Variants in TSPEAR observed in about 807,000 individuals in gnomAD.
The protein encoded by TSPEAR is thrombospondin-type laminin G domain and EAR repeat-containing protein.
TSPEAR carries 69 observed loss-of-function variants against 71.6 expected under a neutral mutation model. The ratio of observed to expected loss-of-function variants is 0.96; its 90% CI spans 0.79 to 1.18. The LOEUF is 1.18. Among genes scored for constraint, TSPEAR ranks in the 50% most tolerant of loss-of-function variants. The pLI is 0.00. For synonymous variants in TSPEAR, 402 were observed against 387.2 expected, an observed-to-expected ratio of 1.04 and a Z score of -0.45; for missense variants, 971 against 894.9, an observed-to-expected ratio of 1.09 and a Z score of -1.09.
chr21:44,684,918 T>C (rs1175519529), intron 1 of TSPEAR, among the ~76,000 whole-genome samples: 9 of 152,228 alleles, frequency 5.9e-5, no homozygotes, highest in Non-Finnish European at 1.0e-4. Flanking sequence ...CCAATTCTCT[T>C]GGTTTTTAAG....
chr21:44,675,516 GAC>G (rs1986265858), intron 1 of TSPEAR, among the ~76,000 whole-genome samples: 1 of 115,352 alleles, frequency 8.7e-6, no homozygotes, highest in Non-Finnish European at 1.8e-5. Context: ...AACTGAATGA[GAC>G]AAGGATGCAT....
At chr21:44,528,625 G>GC in intron 5 of TSPEAR, 42 bp from the exon 6 acceptor site, 1 of 1,607,698 alleles carries the variant, frequency 6.2e-7, no homozygotes, top group Non-Finnish European at 8.5e-7. Context: ...GCAAGCCAGT[G>GC]CCCCCAAAGG....
chr21:44,600,883 T>G (rs782083629), intron 1 of TSPEAR: 20 of 1,611,360 alleles, frequency 1.2e-5, no homozygotes, highest in Admixed American at 6.7e-5. Flanking sequence ...CTGCACGCCC[T>G]CGTGCTGCCA....
At chr21:44,589,046 G>T (rs77067128) in intron 1 of TSPEAR, among the ~76,000 whole-genome samples, 333 of 152,182 alleles carry the variant, frequency 2.2e-3, no homozygotes, top group Middle Eastern at 6.8e-3. Context: ...CAAATAGGGT[G>T]CAGTGTATAC....
intron 2 of TSPEAR, among the ~76,000 whole-genome samples, chr21:44,562,143 C>T (rs1555921148): frequency 6.6e-6 from 1 of 152,124 alleles, no homozygotes; most frequent in African/African-American, 2.4e-5. Flanking sequence ...TCTCAGCATG[C>T]AAAATCAATG....
At chr21:44,666,639 G>C (rs1985782746) in intron 1 of TSPEAR, 1 of 1,613,370 alleles carries the variant, frequency 6.2e-7, no homozygotes, top group Admixed American at 1.7e-5. Context: ...CACACACACA[G>C]AAGACTGGCA....
chr21:44,605,748 T>C (rs994627407), intron 1 of TSPEAR, among the ~76,000 whole-genome samples: 3 of 152,188 alleles, frequency 2.0e-5, no homozygotes, highest in South Asian at 2.1e-4. Flanking sequence ...TCAATATCCA[T>C]GTGCAGAAAA....
At chr21:44,624,475 T>G (rs1411291318) in intron 1 of TSPEAR, among the ~76,000 whole-genome samples, 2 of 152,192 alleles carry the variant, frequency 1.3e-5, no homozygotes, top group African/African-American at 4.8e-5. Flanking sequence ...TCATGAAAAT[T>G]TCCAAGATGA....
intron 2 of TSPEAR, among the ~76,000 whole-genome samples, chr21:44,537,635 C>T (rs1403807266): frequency 6.6e-6 from 1 of 152,104 alleles, no homozygotes; most frequent in Non-Finnish European, 1.5e-5. Context: ...TCACACAAGT[C>T]ATATCAGCAA....
At chr21:44,647,623 C>G in intron 1 of TSPEAR, 1 of 533,586 alleles carries the variant, frequency 1.9e-6, no homozygotes, top group Non-Finnish European at 3.5e-6. Context: ...AAGAACTGCT[C>G]TAATCAATAA....
At position 44,498,618 on chromosome 21, in the gene TSPEAR, C is replaced by G. The variant is rs936662663; in HGVS notation, c.*1165G>C. The G allele has an allele frequency of 2.0e-5, 3 of 152,286 alleles. No individual in the cohort carries two copies. The highest frequency in any genetic ancestry group is 3.9e-4 in the East Asian group (2 of 5,194). The allele number at this position is 152,286 out of a possible 1,614,324, so 9.4% of individuals were successfully genotyped here. A position where few individuals can be genotyped will look rare whatever the true frequency, so the allele number is the denominator to read the frequency against. On this transcript the variant is annotated 3_prime_UTR_variant, in exon 12 of 12. Coordinates refer to ENST00000323084, the MANE Select transcript of TSPEAR (RefSeq NM_144991.3). ...GAGTGCTCTCTGAGCTGAAGGTGAA[C>G]AGACAGCTGCGGTGTAGGAAATAGG...
intron 2 of TSPEAR, chr21:44,551,544 C>CTGTG (rs2146033905): frequency 1.0e-6 from 1 of 994,768 alleles, no homozygotes; most frequent in East Asian, 4.2e-5. Flanking sequence ...GTGTGTGAGC[C>CTGTG]TGTTGGCTGC....
intron 9 of TSPEAR, chr21:44,517,526 G>C (rs2145948684): frequency 3.0e-6 from 1 of 335,686 alleles, no homozygotes; most frequent in South Asian, 2.3e-5. Flanking sequence ...GAGGACACGT[G>C]AGTACAGGTC....
chr21:44,516,479 G>C (rs781836088), intron 9 of TSPEAR: 3 of 152,290 alleles, frequency 2.0e-5, no homozygotes, highest in Non-Finnish European at 4.4e-5. Context: ...GTGGGATGGA[G>C]ATGCAGGGCC....
chr21:44,551,744 C>G (rs1479501741), intron 2 of TSPEAR, among the ~76,000 whole-genome samples: 1 of 152,124 alleles, frequency 6.6e-6, no homozygotes, highest in Non-Finnish European at 1.5e-5. Flanking sequence ...CTGAGCCTGT[C>G]CCCCGGGAAC....
intron 8 of TSPEAR, 40 bp downstream of exon 8, chr21:44,525,613 G>A (rs782089640): frequency 1.2e-6 from 2 of 1,601,886 alleles, no homozygotes; most frequent in East Asian, 4.5e-5. Context: ...TCTGCCCCTG[G>A]AATGGTTGCC....
intron 1 of TSPEAR, among the ~76,000 whole-genome samples, chr21:44,610,948 T>C (rs922391071): frequency 6.6e-6 from 1 of 152,232 alleles, no homozygotes; most frequent in African/African-American, 2.4e-5. Flanking sequence ...TCCCTTTGTT[T>C]TGGCCAATTT....
intron 2 of TSPEAR, among the ~76,000 whole-genome samples, chr21:44,547,002 G>GT (rs1569178275): frequency 6.6e-6 from 1 of 152,162 alleles, no homozygotes; most frequent in Admixed American, 6.5e-5. Context: ...AGTTAAGTGT[G>GT]TTGGTATGCT....
intron 1 of TSPEAR, among the ~76,000 whole-genome samples, chr21:44,596,749 T>C (rs943668034): frequency 1.3e-5 from 2 of 152,372 alleles, no homozygotes; most frequent in Admixed American, 6.5e-5. Context: ...TCATTTTAAA[T>C]GGGGCTGAGC....
Sources: gnomAD v4.1 joint callset for allele counts (sites outside exome capture counted in the v4.1 genomes callset) on GRCh38, gnomAD v4.1.1 for gene constraint, MANE v1.5 for transcripts, NCBI Gene and HGNC (gene_info 2026-07-23, HGNC 2026-07-21) for gene names.